GGT7: variants seen among roughly 807,000 people sequenced by gnomAD.
GGT7 encodes gamma-glutamyltransferase 7.
GGT7 carries 30 observed loss-of-function variants against 69.2 expected under a neutral mutation model. The ratio of observed to expected loss-of-function variants is 0.43; its 90% CI spans 0.32 to 0.59. The LOEUF (loss-of-function observed/expected upper bound fraction) is 0.59, where lower values mean the gene tolerates loss of function less well. Among genes scored for constraint, GGT7 ranks in the 20% least tolerant of loss-of-function variants. The probability of loss-of-function intolerance (pLI) is 0.05; values close to 1 mark genes in which losing one functional copy is unlikely to be tolerated. For synonymous variants in GGT7, 388 were observed against 391.8 expected (o/e 0.99, Z 0.12); for missense variants, 733 against 901.1 (o/e 0.81, Z 2.39).
In GGT7 at chr20:34,861,461, C is replaced by A; in HGVS notation, c.659G>T (p.Arg220Ile). ...GGTCCCCACCTTGGTCTCCCAGGAT[C>A]TTTGCAGGGTCTCTTCCCTGAGGGC... Reference protein sequence around the residue: ...PGALREETLQRSWETKPGLLV... With the variant: ...PGALREETLQISWETKPGLLV... Residue 220 changes from arginine (R) to isoleucine (I), a missense_variant, in exon 4 of 15, where the codon AGA becomes ATA. Transcript: ENST00000336431. 6.4e-7 allele frequency: 1 copy of A among 1,559,250 alleles called. No homozygotes were observed. Among genetic ancestry groups the A allele is most frequent in the Non-Finnish European group, 8.7e-7 (1 of 1,143,246 alleles).
chr20:34,866,599 A>G (rs1193962871), intron 1 of GGT7, among the ~76,000 whole-genome samples: 1 of 150,202 alleles, frequency 6.7e-6, no homozygotes, highest in Non-Finnish European at 1.5e-5. Context: ...TTTGTTTTTG[A>G]GACAGAGTCT....
intron 13 of GGT7, chr20:34,850,996 A>G (rs940228021): frequency 3.0e-6 from 2 of 671,318 alleles, no homozygotes; most frequent in African/African-American, 1.8e-5. Context: ...CAATCTACTG[A>G]CCCTGCCATT....
Position 34,863,786 on chromosome 20 carries a change from C to G in GGT7, c.170-238G>C, listed in dbSNP as rs2079643389. 2 of 702,314 alleles carry G rather than the reference C, an allele frequency of 2.8e-6. No homozygotes were observed. The highest frequency in any genetic ancestry group is 1.5e-5 in the South Asian group (1 of 66,502). 43.5% of individuals were successfully genotyped at this position (702,314 alleles called of 1,614,324 possible). ...GCAGCAGGGAGGCTGGATTCCCGCC[C>G]CTCCCTGATACCTAGGCCAAATTTC... On this transcript the variant is annotated intron_variant, in intron 1 of 14. Transcript: ENST00000336431. This position sits in a 1 kb window ranked among gnomAD's most constrained non-coding sequence, Gnocchi z 4.4.
intron 10 of GGT7, among the ~76,000 whole-genome samples, chr20:34,853,189 C>T (rs912523357): frequency 6.6e-6 from 1 of 152,148 alleles, no homozygotes; most frequent in Non-Finnish European, 1.5e-5. Context: ...AAATGATCCA[C>T]TCACCTCGGC....
At chr20:34,872,482 C>A (rs764193485) in intron 1 of GGT7, 165 bp downstream of exon 1, 21 of 509,268 alleles carry the variant, frequency 4.1e-5, no homozygotes, top group Non-Finnish European at 6.1e-5. Context: ...AGAAATGCAC[C>A]CCCTTCCTCA....
chr20:34,856,997 G>A, intron 7 of GGT7, 104 bp from the exon 8 acceptor site: 1 of 755,846 alleles, frequency 1.3e-6, no homozygotes, highest in Non-Finnish European at 2.4e-6. Flanking sequence ...TATAACTTCT[G>A]TGCCTTCTGC....
chr20:34,846,502 G>T (rs2079309551), intron 14 of GGT7, among the ~76,000 whole-genome samples: 1 of 151,850 alleles, frequency 6.6e-6, no homozygotes. Flanking sequence ...AGAGGTGGGG[G>T]TTTATCCATG....
At chr20:34,852,025 T>C (rs1446124191) in intron 12 of GGT7, 130 bp downstream of exon 12, 2 of 700,956 alleles carry the variant, frequency 2.9e-6, no homozygotes, top group African/African-American at 1.8e-5. Flanking sequence ...AGGGATGAGG[T>C]GAACCTCTTC....
In GGT7 at chr20:34,852,271, A is replaced by C; in HGVS notation, c.1471T>G (p.Ser491Ala). Reference sequence around the variant, plus strand: ...CCGCTGCCAAAGGGCTGGTTCAGGGAGCTGGGGGCCGAGGTGGGGTTGGGT... The same window carrying C: ...CCGCTGCCAAAGGGCTGGTTCAGGGCGCTGGGGGCCGAGGTGGGGTTGGGT... ...PDDFIVAMVS[S>A]LNQPFGSGLI... The change falls in exon 12 of 15, where the codon TCC (serine) becomes GCC (alanine). Residue 491 changes from serine (S) to alanine (A), a missense_variant and splice_region_variant. Ser to Ala is a moderately conservative substitution (Grantham distance 99, BLOSUM62 1). Coordinates refer to ENST00000336431, the MANE Select transcript of GGT7 (RefSeq NM_178026.3). 6.2e-7 allele frequency: 1 copy of C among 1,611,626 alleles called. No homozygotes were observed. The highest frequency in any genetic ancestry group is 8.5e-7 in the Non-Finnish European group (1 of 1,177,760).
chr20:34,852,320 T>C lies in GGT7; in HGVS notation c.1470-48A>G, dbSNP rs558657735. The C allele has an allele frequency of 5.5e-4, 881 of 1,606,380 alleles. 11 individuals carry two copies. The South Asian group carries it at 9.2e-3, about 17-fold the overall frequency. On this transcript the variant is annotated intron_variant, in intron 11 of 14. Coordinates refer to ENST00000336431, the MANE Select transcript of GGT7 (RefSeq NM_178026.3). Reference sequence around the variant, plus strand: ...GTGAGCCCTGGCCCATCCTCACCTCTACCCAGCCCCCACCCCCTCTTGGTT... The same window carrying C: ...GTGAGCCCTGGCCCATCCTCACCTCCACCCAGCCCCCACCCCCTCTTGGTT...
intron 14 of GGT7, 22 bp downstream of exon 14, chr20:34,849,939 G>A (rs758779721): frequency 2.7e-6 from 4 of 1,485,926 alleles, no homozygotes; most frequent in Admixed American, 1.7e-5. Context: ...CCCGCCCCAC[G>A]AGGTCTCTGC....
intron 7 of GGT7, among the ~76,000 whole-genome samples, chr20:34,857,916 C>T (rs1471340920): frequency 6.6e-6 from 1 of 152,166 alleles, no homozygotes; most frequent in Non-Finnish European, 1.5e-5. Context: ...CATGGCCTGG[C>T]CCATTTGAAT....
Position 34,863,050 on chromosome 20 carries a change from G to A in GGT7, c.406-85C>T, listed in dbSNP as rs538165258. The A allele has an allele frequency of 1.5e-6, 2 of 1,353,556 alleles. No homozygotes were observed. Among genetic ancestry groups the A allele is most frequent in the Middle Eastern group, 2.1e-4 (1 of 4,822 alleles). The allele number at this position is 1,353,556 out of a possible 1,614,324, so 83.8% of individuals were successfully genotyped here. A position where few individuals can be genotyped will look rare whatever the true frequency, so the allele number is the denominator to read the frequency against. Reference sequence around the variant, plus strand: ...CTCCACTAGCCCTAGAACTCTACGCGGCATGAAGGTCGAAGCCCTGCCCCC... The same window carrying A: ...CTCCACTAGCCCTAGAACTCTACGCAGCATGAAGGTCGAAGCCCTGCCCCC... On this transcript the variant is annotated intron_variant, in intron 2 of 14. Transcript: ENST00000336431. The surrounding 1 kb of genome is among the most constrained non-coding windows in gnomAD (Gnocchi z 4.4).
chr20:34,866,737 G>A (rs1052384834), intron 1 of GGT7, among the ~76,000 whole-genome samples: 1 of 151,946 alleles, frequency 6.6e-6, no homozygotes, highest in African/African-American at 2.4e-5. Flanking sequence ...ATGCCACCAC[G>A]CCTAGCTAAT....
intron 1 of GGT7, among the ~76,000 whole-genome samples, chr20:34,869,184 T>G (rs2079741275): frequency 6.6e-6 from 1 of 151,706 alleles, no homozygotes; most frequent in African/African-American, 2.4e-5. Context: ...ATATAAAATT[T>G]TGAAACAGTG....
chr20:34,846,180 C>T (rs1184855053), intron 14 of GGT7, among the ~76,000 whole-genome samples: 1 of 152,128 alleles, frequency 6.6e-6, no homozygotes, highest in East Asian at 1.9e-4. Context: ...AAGCTGCCAT[C>T]ATTACTTGCC....
chr20:34,864,134 G>C (rs1297602663), intron 1 of GGT7, among the ~76,000 whole-genome samples: 1 of 152,160 alleles, frequency 6.6e-6, no homozygotes, highest in East Asian at 1.9e-4. Context: ...GTGCTATGAA[G>C]AAAAAGGAGG....
At chr20:34,850,666 A>G (rs1245953923) in intron 13 of GGT7, 2 of 352,912 alleles carry the variant, frequency 5.7e-6, no homozygotes, top group Non-Finnish European at 1.1e-5. Context: ...AAAGATGAAG[A>G]GACTGAGGTT....
At chr20:34,864,256 A>T (rs1036826450) in intron 1 of GGT7, among the ~76,000 whole-genome samples, 10 of 152,152 alleles carry the variant, frequency 6.6e-5, no homozygotes, top group African/African-American at 2.2e-4. Context: ...AGAAGGAGCC[A>T]GCTATAATGT....
Sources: allele counts gnomAD v4.1 joint callset (sites outside exome capture counted in the v4.1 genomes callset), GRCh38; gene constraint gnomAD v4.1.1; non-coding constraint Gnocchi (gnomAD v3.1); transcripts MANE v1.5; gene names NCBI Gene and HGNC (gene_info 2026-07-23, HGNC 2026-07-21).